EIF3J: variants seen among roughly 807,000 people sequenced by gnomAD.
The protein encoded by EIF3J is eukaryotic translation initiation factor 3 subunit J, also known as eukaryotic translation initiation factor 3, subunit 1 (alpha, 35kD).
In EIF3J, 15 loss-of-function variants were observed where a neutral mutation model predicts 39.0. That is an observed-to-expected ratio of 0.38 (90% CI 0.26 to 0.59). The LOEUF is 0.59. Among genes scored for constraint, EIF3J ranks in the 20% least tolerant of loss-of-function variants. The probability of loss-of-function intolerance (pLI) is 0.60; values close to 1 mark genes in which losing one functional copy is unlikely to be tolerated. For synonymous variants in EIF3J, 98 were observed against 112.9 expected, an observed-to-expected ratio of 0.87 and a Z score of 0.84; for missense variants, 226 against 308.6, an observed-to-expected ratio of 0.73 and a Z score of 2.00.
chr15:44,538,289 G>T (rs1338453972), intron 2 of EIF3J, among the ~76,000 whole-genome samples: 8 of 140,216 alleles, frequency 5.7e-5, no homozygotes, highest in African/African-American at 1.3e-4. Flanking sequence ...CTTCTACATG[G>T]TTTTTTTTTT....
chr15:44,545,072 A>T (rs185076316), intron 2 of EIF3J, among the ~76,000 whole-genome samples: 262 of 152,176 alleles, frequency 1.7e-3, no homozygotes, highest in Admixed American at 4.1e-3. Flanking sequence ...TAACCAGTAT[A>T]CCTCTAGCTG....
At chr15:44,550,736 TC>T in intron 2 of EIF3J, 139 bp from the exon 3 acceptor site, 2 of 595,976 alleles carry the variant, frequency 3.4e-6, no homozygotes, top group South Asian at 4.7e-5. Flanking sequence ...AGATGTCAAT[TC>T]CCCCTACATT....
At chr15:44,560,351 TATTAA>T (rs765712222) in intron 7 of EIF3J, 29 bp downstream of exon 7, 17 of 1,604,080 alleles carry the variant, frequency 1.1e-5, no homozygotes, top group African/African-American at 1.3e-5. Flanking sequence ...GGGAAATGGG[TATTAA>T]ATTAGAGTGG....
At chr15:44,556,474 G>A (rs1453573231) in intron 5 of EIF3J, among the ~76,000 whole-genome samples, 2 of 151,798 alleles carry the variant, frequency 1.3e-5, no homozygotes, top group Non-Finnish European at 2.9e-5. Context: ...CCCGGGTAGC[G>A]AGGGCTACAG....
At chr15:44,543,977 T>G (rs2082032220) in intron 2 of EIF3J, among the ~76,000 whole-genome samples, 1 of 152,160 alleles carries the variant, frequency 6.6e-6, no homozygotes, top group Non-Finnish European at 1.5e-5. Context: ...TTGAGTTTGT[T>G]TCTTTACCTT....
chr15:44,558,391 C>T (rs945266980), intron 6 of EIF3J, among the ~76,000 whole-genome samples: 2 of 151,812 alleles, frequency 1.3e-5, no homozygotes, highest in Non-Finnish European at 2.9e-5. Flanking sequence ...ATCACGAGGT[C>T]AGGAGATTGT....
intron 2 of EIF3J, among the ~76,000 whole-genome samples, chr15:44,544,282 GAAAC>G (rs1360875696): frequency 3.3e-5 from 5 of 151,412 alleles, no homozygotes; most frequent in Non-Finnish European, 5.9e-5. Context: ...ATTTTTAGTA[GAAAC>G]AGGGGTTTGC....
chr15:44,558,503 T>C (rs538536861), intron 6 of EIF3J, among the ~76,000 whole-genome samples: 2 of 151,550 alleles, frequency 1.3e-5, no homozygotes, highest in East Asian at 3.9e-4. Context: ...CACTCCAGCC[T>C]GGGTGACCAA....
At chr15:44,559,713 A>G (rs2082175707) in intron 6 of EIF3J, among the ~76,000 whole-genome samples, 1 of 151,750 alleles carries the variant, frequency 6.6e-6, no homozygotes, top group South Asian at 2.1e-4. Context: ...TCTCAAAAAA[A>G]AAAAAAAATA....
intron 3 of EIF3J, 21 bp from the exon 4 acceptor site, chr15:44,551,409 TA>T: frequency 6.7e-7 from 1 of 1,496,946 alleles, no homozygotes; most frequent in Non-Finnish European, 9.1e-7. Flanking sequence ...TATAACTGAA[TA>T]AAACTTTTTT....
rs1290189839 is a variant in EIF3J, at chr15:44,562,407, A to ATCTT, written c.*1260_*1263dup. On this transcript the variant is annotated 3_prime_UTR_variant, in exon 8 of 8. Transcript: ENST00000261868. ...ATGGCTGTTAAGTATAGATTGGGGA[A>ATCTT]TCTTTATTATGTCTTCTCCTAAGCA... The ATCTT allele has an allele frequency of 3.9e-5, 6 of 152,738 alleles. No homozygotes were observed. Among genetic ancestry groups the ATCTT allele is most frequent in the Admixed American group, 6.5e-5 (1 of 15,286 alleles). The allele number at this position is 152,738 out of a possible 1,614,324, so 9.5% of individuals were successfully genotyped here. A position where few individuals can be genotyped will look rare whatever the true frequency, so the allele number is the denominator to read the frequency against.
In EIF3J at chr15:44,561,686, A is replaced by C. The variant is rs955739160; in HGVS notation, c.*537A>C. 1 of 152,528 alleles carries C rather than the reference A, an allele frequency of 6.6e-6. No homozygotes were observed. Among genetic ancestry groups the C allele is most frequent in the African/African-American group, 2.4e-5 (1 of 41,458 alleles). The allele number at this position is 152,528 out of a possible 1,614,324, so 9.4% of individuals were successfully genotyped here. On this transcript the variant is annotated 3_prime_UTR_variant, in exon 8 of 8. Coordinates refer to ENST00000261868, the MANE Select transcript of EIF3J (RefSeq NM_003758.4). ...AGTGAAGATACTGCGGCTGAAAAGC[A>C]CTAGTTTGATATAAAATTAAAATGA...
chr15:44,542,071 A>C (rs969872801), intron 2 of EIF3J, among the ~76,000 whole-genome samples: 3 of 152,238 alleles, frequency 2.0e-5, no homozygotes, highest in African/African-American at 7.2e-5. Context: ...AATATGAGAC[A>C]GGTAGGCATT....
At chr15:44,546,816 CTTT>C (rs1160471321) in intron 2 of EIF3J, among the ~76,000 whole-genome samples, 42 of 78,878 alleles carry the variant, frequency 5.3e-4, no homozygotes, top group African/African-American at 2.0e-3. Context: ...GAGTATAGAT[CTTT>C]TTTTTTTTTT....
At chr15:44,547,290 T>A (rs2082061667) in intron 2 of EIF3J, among the ~76,000 whole-genome samples, 1 of 151,804 alleles carries the variant, frequency 6.6e-6, no homozygotes, top group African/African-American at 2.4e-5. Context: ...ATTACAGGCA[T>A]GTGCCACCAC....
Position 44,561,418 on chromosome 15 carries a change from A to T in EIF3J, c.*269A>T, listed in dbSNP as rs2082195327. ...GTTGTCGTTGTTGCTATCTGATTTC[A>T]TAGCAGCAGTCACTAAATTGGAAAC... On this transcript the variant is annotated 3_prime_UTR_variant, in exon 8 of 8. Coordinates refer to ENST00000261868, the MANE Select transcript of EIF3J (RefSeq NM_003758.4). 1 of 257,738 alleles carries T rather than the reference A, an allele frequency of 3.9e-6. No homozygotes were observed. Among genetic ancestry groups the T allele is most frequent in the Non-Finnish European group, 7.5e-6 (1 of 132,500 alleles). The allele number at this position is 257,738 out of a possible 1,614,324, so 16.0% of individuals were successfully genotyped here. A position where few individuals can be genotyped will look rare whatever the true frequency, so the allele number is the denominator to read the frequency against.
intron 5 of EIF3J, 75 bp from the exon 6 acceptor site, chr15:44,557,414 C>A: frequency 8.8e-7 from 1 of 1,131,252 alleles, no homozygotes; most frequent in Non-Finnish European, 1.2e-6. Flanking sequence ...ATTCAGATAG[C>A]TATTGGCTTT....
At chr15:44,555,297 C>T (rs182030004) in intron 5 of EIF3J, among the ~76,000 whole-genome samples, 6 of 152,288 alleles carry the variant, frequency 3.9e-5, no homozygotes, top group South Asian at 2.1e-4. Context: ...ACCAAGTTAT[C>T]GTTACCTGTT....
At chr15:44,545,148 C>G (rs540552857) in intron 2 of EIF3J, among the ~76,000 whole-genome samples, 125 of 152,244 alleles carry the variant, frequency 8.2e-4, no homozygotes, top group Non-Finnish European at 1.6e-3. Context: ...AGGAGAGGGA[C>G]TTAGTTCCCA....
Sources: allele counts gnomAD v4.1 joint callset (sites outside exome capture counted in the v4.1 genomes callset), GRCh38; gene constraint gnomAD v4.1.1; transcripts MANE v1.5; gene names NCBI Gene and HGNC (gene_info 2026-07-23, HGNC 2026-07-21).